The following SUV39H2 variants were observed in gnomAD, a reference collection of about 807,000 sequenced individuals.
The protein encoded by SUV39H2 is SUV39H2 histone lysine methyltransferase.
In SUV39H2, 10 loss-of-function variants were observed where a neutral mutation model predicts 47.5. That is an observed-to-expected ratio of 0.21 (90% confidence interval 0.13 to 0.36). SUV39H2 has a LOEUF of 0.36. Among genes scored for constraint, SUV39H2 ranks in the 10% least tolerant of loss-of-function variants. SUV39H2 has a pLI of 1.00. For missense variants in SUV39H2, 266 were observed against 487.4 expected (o/e 0.55, Z 4.28); for synonymous variants, 159 against 166.8 (o/e 0.95, Z 0.36).
At chr10:14,898,193 G>A (rs1833725989) in intron 3 of SUV39H2, 1 of 122,110 alleles carries the variant, frequency 8.2e-6, no homozygotes, top group African/African-American at 3.1e-5. Context: ...CAGTGAGGTA[G>A]TACTGTTTCT....
rs557784742 is a variant in SUV39H2 at position 14,902,661 on chromosome 10, G to A, written c.*149G>A. 8 of 546,922 alleles carry A rather than the reference G, an allele frequency of 1.5e-5. No homozygotes were observed. Among genetic ancestry groups the A allele is most frequent in the African/African-American group, 9.6e-5 (5 of 52,278 alleles). The allele number at this position is 546,922 out of a possible 1,614,324, so 33.9% of individuals were successfully genotyped here. Reference sequence around the variant, plus strand: ...CAAGACATTTGCCAAATGTATTACCGATGCCTCTGAAAAGGGGGTCACTGG... The same window carrying A: ...CAAGACATTTGCCAAATGTATTACCAATGCCTCTGAAAAGGGGGTCACTGG... On this transcript the variant is annotated 3_prime_UTR_variant, in exon 6 of 6. Transcript: ENST00000354919.
At chr10:14,879,043 C>G in intron 1 of SUV39H2, 124 bp downstream of exon 1, 1 of 1,316,806 alleles carries the variant, frequency 7.6e-7, no homozygotes, top group Non-Finnish European at 9.7e-7. Context: ...CGCCGCGACC[C>G]CAACTCCGGG....
In SUV39H2 at chr10:14,897,508, T is replaced by C; in HGVS notation, c.840T>C (p.Tyr280=). The change falls in exon 3 of 6, where the codon TAT becomes TAC. Residue 280 remains tyrosine, a synonymous_variant. Transcript: ENST00000354919. ...AAAGAATGAGTTTTGTCATGGAATATGTTGGAGAGGTATGTTTCATTTGCC... is the reference window on the plus strand; with the variant it reads ...AAAGAATGAGTTTTGTCATGGAATACGTTGGAGAGGTATGTTTCATTTGCC... The part of the protein sequence containing the change: ...KIKRMSFVME[Y]VGEVITSEEA... 1.9e-6 allele frequency: 3 copies of C among 1,550,302 alleles called. No homozygotes were observed. The highest frequency in any genetic ancestry group is 2.6e-6 in the Non-Finnish European group (3 of 1,145,582).
chr10:14,901,837 A>T (rs1834043409), intron 5 of SUV39H2, among the ~76,000 whole-genome samples: 1 of 150,710 alleles, frequency 6.6e-6, no homozygotes, highest in Non-Finnish European at 1.5e-5. Flanking sequence ...TGAAAAAAAA[A>T]ACTATAAGCC....
At chr10:14,884,301 A>T (rs986238703) in intron 2 of SUV39H2, among the ~76,000 whole-genome samples, 1 of 152,184 alleles carries the variant, frequency 6.6e-6, no homozygotes, top group African/African-American at 2.4e-5. Flanking sequence ...GCAGTGTATG[A>T]GTTTCAGTTC....
intron 2 of SUV39H2, among the ~76,000 whole-genome samples, chr10:14,890,241 A>G (rs1833344992): frequency 6.6e-6 from 1 of 152,178 alleles, no homozygotes; most frequent in Non-Finnish European, 1.5e-5. Context: ...TTAACAATCA[A>G]TGTCATGTGG....
At chr10:14,893,895 C>T (rs1167433820) in intron 2 of SUV39H2, among the ~76,000 whole-genome samples, 4 of 151,766 alleles carry the variant, frequency 2.6e-5, no homozygotes, top group African/African-American at 4.9e-5. Flanking sequence ...ATGATTTAAC[C>T]ATTGACTTAA....
At chr10:14,902,291 G>GA (rs1398575224) in intron 5 of SUV39H2, 115 bp from the exon 6 acceptor site, 3 of 571,212 alleles carry the variant, frequency 5.3e-6, no homozygotes, top group Non-Finnish European at 9.0e-6. Context: ...TAAGGGTCTT[G>GA]ACCATGTAAG....
chr10:14,898,781 C>T (rs1445834760), intron 3 of SUV39H2: 2 of 155,496 alleles, frequency 1.3e-5, no homozygotes, highest in African/African-American at 4.8e-5. Context: ...ATAACATATT[C>T]TACAAAAACA....
At chr10:14,893,159 T>A (rs993369969) in intron 2 of SUV39H2, among the ~76,000 whole-genome samples, 6 of 151,250 alleles carry the variant, frequency 4.0e-5, no homozygotes, top group South Asian at 4.2e-4. Context: ...GCCCGCCACC[T>A]CGCCCGGCTA....
chr10:14,891,030 G>T (rs1340401880), intron 2 of SUV39H2, among the ~76,000 whole-genome samples: 1 of 152,168 alleles, frequency 6.6e-6, no homozygotes, highest in African/African-American at 2.4e-5. Flanking sequence ...TAAAAAATAA[G>T]ATTCCATCCC....
At chr10:14,889,273 T>A (rs537773716) in intron 2 of SUV39H2, among the ~76,000 whole-genome samples, 30 of 152,320 alleles carry the variant, frequency 2.0e-4, no homozygotes, top group African/African-American at 6.7e-4. Context: ...AATTTTTTTT[T>A]AATTTTGAGG....
At position 14,902,534 on chromosome 10, in the gene SUV39H2, G is replaced by A; in HGVS notation, c.*22G>A. 7.0e-7 allele frequency: 1 copy of A among 1,421,404 alleles called. No individual in the cohort carries two copies. The highest frequency in any genetic ancestry group is 9.6e-7 in the Non-Finnish European group (1 of 1,046,814). 88.0% of individuals were successfully genotyped at this position (1,421,404 alleles called of 1,614,324 possible). A position where few individuals can be genotyped will look rare whatever the true frequency, so the allele number is the denominator to read the frequency against. ...CTGAACTTTTTCAGGAAATAGAGCT[G>A]ATGATTATAATATTTTTTTCCTAAT... is the stretch of plus-strand genomic sequence containing the variant. On this transcript the variant is annotated 3_prime_UTR_variant, in exon 6 of 6. Coordinates refer to ENST00000354919, the MANE Select transcript of SUV39H2 (RefSeq NM_001193424.2).
chr10:14,893,033 C>T (rs1303183197), intron 2 of SUV39H2, among the ~76,000 whole-genome samples: 1 of 131,054 alleles, frequency 7.6e-6, no homozygotes. Context: ...GAGACGGAGT[C>T]TCGCTGTCGC....
intron 2 of SUV39H2, among the ~76,000 whole-genome samples, chr10:14,896,150 C>G (rs1219135365): frequency 6.6e-6 from 1 of 152,070 alleles, no homozygotes; most frequent in Non-Finnish European, 1.5e-5. Context: ...CCCATGTTGC[C>G]CAGGCTGGTC....
intron 2 of SUV39H2, among the ~76,000 whole-genome samples, chr10:14,888,843 G>A (rs1414902891): frequency 1.3e-5 from 2 of 151,638 alleles, no homozygotes; most frequent in East Asian, 2.0e-4. Flanking sequence ...AGTGGCTCAC[G>A]CCTGTAATCC....
chr10:14,893,588 T>C (rs2131691537), intron 2 of SUV39H2, among the ~76,000 whole-genome samples: 1 of 152,354 alleles, frequency 6.6e-6, no homozygotes, highest in Middle Eastern at 3.4e-3. Context: ...AGTGGTTTTC[T>C]GTGTAAAATC....
At chr10:14,879,570 C>T (rs1832980073) in intron 1 of SUV39H2, among the ~76,000 whole-genome samples, 1 of 152,090 alleles carries the variant, frequency 6.6e-6, no homozygotes, top group Non-Finnish European at 1.5e-5. Flanking sequence ...GGTGTTATTT[C>T]TGTGGACGCT....
chr10:14,899,637 A>G lies in SUV39H2; in HGVS notation c.948A>G (p.Thr316=), dbSNP rs758378629. The G allele has an allele frequency of 6.2e-7, 1 of 1,614,102 alleles. No homozygotes were observed. The highest frequency in any genetic ancestry group is 1.3e-5 in the African/African-American group (1 of 74,946). Residue 316 remains threonine (T), a synonymous_variant, in exon 4 of 6, where the codon ACA becomes ACG. Coordinates refer to ENST00000354919, the MANE Select transcript of SUV39H2 (RefSeq NM_001193424.2). ...FDLDYESDEF[T]VDAARYGNVS... is the part of the protein sequence containing the mutation. ...TGGACTATGAGTCTGATGAATTCACAGTGGATGCGGCTCGATACGGCAATG... is the reference window on the plus strand; with the variant it reads ...TGGACTATGAGTCTGATGAATTCACGGTGGATGCGGCTCGATACGGCAATG...
Sources: allele counts gnomAD v4.1 joint callset (sites outside exome capture counted in the v4.1 genomes callset), GRCh38; gene constraint gnomAD v4.1.1; transcripts MANE v1.5; gene names NCBI Gene and HGNC (gene_info 2026-07-23, HGNC 2026-07-21).